The following FSHR variants were observed in gnomAD, a reference collection of about 807,000 sequenced individuals.
FSHR encodes follicle stimulating hormone receptor.
A neutral mutation model predicts 52.1 loss-of-function variants in FSHR; 46 were observed. That is an observed-to-expected ratio of 0.88 (90% CI 0.70 to 1.13). The LOEUF (loss-of-function observed/expected upper bound fraction) is 1.13, where lower values mean the gene tolerates loss of function less well. FSHR is among the 50% of genes most tolerant of loss of function. FSHR has a pLI of 0.00. For synonymous variants in FSHR, 399 were observed against 309.6 expected, an observed-to-expected ratio of 1.29 and a Z score of -3.03; for missense variants, 964 against 834.6, an observed-to-expected ratio of 1.16 and a Z score of -1.91.
At chr2:49,061,104 G>A (rs968350594) in intron 2 of FSHR, among the ~76,000 whole-genome samples, 44 of 152,010 alleles carry the variant, frequency 2.9e-4, no homozygotes, top group Admixed American at 7.9e-4. Context: ...CCACTACAAC[G>A]TGGCACCTTG....
At chr2:49,116,388 G>A (rs149009489) in intron 1 of FSHR, among the ~76,000 whole-genome samples, 1 of 152,282 alleles carries the variant, frequency 6.6e-6, no homozygotes, top group Non-Finnish European at 1.5e-5. Context: ...AGGGGGTAAG[G>A]TGGAGGATGT....
intron 2 of FSHR, among the ~76,000 whole-genome samples, chr2:49,027,176 T>C (rs74813240): frequency 4.6e-5 from 7 of 152,320 alleles, no homozygotes; most frequent in African/African-American, 1.7e-4. Flanking sequence ...TTAAATTCTC[T>C]CAATTACTCT....
intron 2 of FSHR, among the ~76,000 whole-genome samples, chr2:49,067,527 T>G (rs945675589): frequency 6.6e-6 from 1 of 152,046 alleles, no homozygotes; most frequent in Non-Finnish European, 1.5e-5. Flanking sequence ...GAAGAACATA[T>G]TTCCCTGGCC....
In FSHR at chr2:49,014,643, A is replaced by T. The variant is rs1454159107; in HGVS notation, c.374+2846T>A. ...AAGATGTGGGTCAATGATGAGGTCA[A>T]ATTCTGAATCCCTTGGTTTCAAATT... On this transcript the variant is annotated intron_variant, in intron 4 of 9. Transcript: ENST00000406846. The T allele has an allele frequency of 4.4e-5, 12 of 270,012 alleles. No individual in the cohort carries two copies. The Admixed American group carries it at 6.2e-4, about 14-fold the overall frequency. 16.7% of individuals were successfully genotyped at this position (270,012 alleles called of 1,614,324 possible).
At chr2:49,048,310 A>T (rs1558410048) in intron 2 of FSHR, among the ~76,000 whole-genome samples, 1 of 152,162 alleles carries the variant, frequency 6.6e-6, no homozygotes, top group Non-Finnish European at 1.5e-5. Context: ...TAGAAAAAAA[A>T]CCTGGGGCTC....
intron 3 of FSHR, among the ~76,000 whole-genome samples, chr2:49,019,623 T>A (rs1012401318): frequency 6.6e-6 from 1 of 152,240 alleles, no homozygotes; most frequent in Non-Finnish European, 1.5e-5. Context: ...ATGACATATG[T>A]AATTTTATTA....
intron 1 of FSHR, among the ~76,000 whole-genome samples, chr2:49,127,640 TAC>T (rs1672055568): frequency 6.6e-6 from 1 of 152,074 alleles, no homozygotes; most frequent in African/African-American, 2.4e-5. Flanking sequence ...CCTTCTCTGA[TAC>T]ACACTCTCAT....
At chr2:49,136,861 G>T (rs982111557) in intron 1 of FSHR, among the ~76,000 whole-genome samples, 6 of 151,926 alleles carry the variant, frequency 3.9e-5, no homozygotes, top group African/African-American at 9.7e-5. Context: ...GGAAACTTCC[G>T]CAGTCTGATA....
chr2:49,127,329 GA>G (rs56891689), intron 1 of FSHR, among the ~76,000 whole-genome samples: 60,693 of 134,858 alleles, frequency 0.45, 12,747 homozygotes, highest in East Asian at 0.72. Context: ...CTTTGTCTAA[GA>G]AAAAAAAAAA....
At chr2:49,009,343 G>T (rs1036855842) in intron 4 of FSHR, among the ~76,000 whole-genome samples, 1 of 151,980 alleles carries the variant, frequency 6.6e-6, no homozygotes, top group Non-Finnish European at 1.5e-5. Context: ...TTGTAGATAT[G>T]CAGCGTTATT....
In FSHR at chr2:49,094,027, C is replaced by T. The variant is rs372966858; in HGVS notation, c.153-25737G>A. ...AATATCTTTAGATTTAGGTCTATCGCTTTCTAATTTGTTTCCTGTTTGTTT... is the reference window on the plus strand; with the variant it reads ...AATATCTTTAGATTTAGGTCTATCGTTTTCTAATTTGTTTCCTGTTTGTTT... On this transcript the variant is annotated intron_variant, in intron 1 of 9. Transcript: ENST00000406846. Among the ~76,000 whole-genome samples, 183 of 152,274 alleles carry T rather than the reference C, an allele frequency of 1.2e-3. 5 individuals carry two copies. The South Asian group carries it at 0.037, about 31-fold the overall frequency.
intron 4 of FSHR, among the ~76,000 whole-genome samples, chr2:49,006,616 C>T (rs1047712653): frequency 6.6e-6 from 1 of 152,072 alleles, no homozygotes; most frequent in Non-Finnish European, 1.5e-5. Context: ...GCTATGTTAC[C>T]TCCAAGAAGC....
intron 2 of FSHR, among the ~76,000 whole-genome samples, chr2:49,063,161 A>G (rs1669375438): frequency 6.6e-6 from 1 of 152,138 alleles, no homozygotes. Context: ...GGGAGGATTA[A>G]TTTAAGTGTG....
At chr2:49,068,623 T>A (rs1669604340) in intron 1 of FSHR, among the ~76,000 whole-genome samples, 1 of 152,124 alleles carries the variant, frequency 6.6e-6, no homozygotes, top group Admixed American at 6.6e-5. Flanking sequence ...AGGCCTGTTC[T>A]CTTCCTCTAC....
chr2:49,135,374 T>C (rs907995603), intron 1 of FSHR, among the ~76,000 whole-genome samples: 1 of 152,016 alleles, frequency 6.6e-6, no homozygotes, highest in African/African-American at 2.4e-5. Flanking sequence ...AACAAATGGA[T>C]ACATTTTTTA....
At chr2:49,021,886 T>TATATATATAGAG (rs1273265515) in intron 2 of FSHR, among the ~76,000 whole-genome samples, 34 of 25,112 alleles carry the variant, frequency 1.4e-3, no homozygotes, top group South Asian at 2.0e-3. Context: ...TATATATATA[T>TATATATATAGAG]AGAGAGAGAG....
chr2:49,129,121 A>G (rs530195580), intron 1 of FSHR, among the ~76,000 whole-genome samples: 3 of 150,472 alleles, frequency 2.0e-5, no homozygotes, highest in East Asian at 3.9e-4. Context: ...TGTTTTCACT[A>G]TCTCTTTCCC....
chr2:49,093,726 C>G (rs935589375), intron 1 of FSHR, among the ~76,000 whole-genome samples: 9 of 151,706 alleles, frequency 5.9e-5, no homozygotes, highest in Non-Finnish European at 1.3e-4. Flanking sequence ...ACCCAAGCAG[C>G]TAGGATTACA....
At chr2:49,090,870 G>C (rs772933702) in intron 1 of FSHR, among the ~76,000 whole-genome samples, 4 of 151,980 alleles carry the variant, frequency 2.6e-5, no homozygotes, top group Non-Finnish European at 5.9e-5. Flanking sequence ...TGTTTCCTTA[G>C]TGCTGAGCAT....
Sources: allele counts gnomAD v4.1 joint callset (sites outside exome capture counted in the v4.1 genomes callset), GRCh38; gene constraint gnomAD v4.1.1; transcripts MANE v1.5; gene names NCBI Gene and HGNC (gene_info 2026-07-23, HGNC 2026-07-21).